The following UTY variants were observed in gnomAD, a reference collection of about 807,000 sequenced individuals.
The protein encoded by UTY is ubiquitously transcribed tetratricopeptide repeat containing, Y-linked, also known as histone demethylase UTY.
UTY carries 12 observed loss-of-function variants against 32.5 expected under a neutral mutation model. The observed-to-expected ratio is 0.37, with a 90% CI of 0.24 to 0.60. The LOEUF is 0.60. UTY is among the 20% of genes least tolerant of loss of function. The pLI is 0.69. For synonymous variants in UTY, 131 were observed against 103.4 expected (o/e 1.27, Z -1.62); for missense variants, 303 against 299.2 (o/e 1.01, Z -0.09).
At chrY:13,465,668 G>T in intron 3 of UTY, among the ~76,000 whole-genome samples, 1 of 33,394 alleles carries the variant, frequency 3.0e-5, no homozygotes, top group Non-Finnish European at 7.4e-5. Flanking sequence ...GATAACAGAA[G>T]CCTAGTATTC....
At chrY:13,437,650 T>C (rs2074732179) in intron 4 of UTY, among the ~76,000 whole-genome samples, 1 of 33,233 alleles carries the variant, frequency 3.0e-5, no homozygotes, top group Non-Finnish European at 7.4e-5. Flanking sequence ...GTGGATGCAC[T>C]CCTAAATGGG....
At chrY:13,306,767 C>T (rs2058721286) in intron 21 of UTY, among the ~76,000 whole-genome samples, 3 of 32,694 alleles carry the variant, frequency 9.2e-5, no homozygotes, top group African/African-American at 3.6e-4. Context: ...GTGGCGTAAT[C>T]TCAGCTCACT....
chrY:13,326,280 T>G lies in UTY; in HGVS notation c.2905A>C (p.Thr969Pro), dbSNP rs1300304897. The G allele has an allele frequency of 2.5e-6, 1 of 397,403 alleles. No homozygotes were observed. The highest frequency in any genetic ancestry group is 6.2e-5 in the African/African-American group (1 of 16,233). Residue 969 changes from threonine (T) to proline (P), a missense_variant, in exon 19 of 30, where the codon ACT becomes CCT. By Grantham distance (38) the Thr-to-Pro change is conservative (BLOSUM62 -1). Transcript: ENST00000545955. Reference sequence around the variant, plus strand: ...TTTGGCAAGGGTGGGTATGGTGAAGTTGGTGGTCTTGGAGGTGGACATTTA... The same window carrying G: ...TTTGGCAAGGGTGGGTATGGTGAAGGTGGTGGTCTTGGAGGTGGACATTTA... ...LDKCPPPRPP[T>P]SPYPPLPKDK...
At chrY:13,354,738 T>TA in intron 17 of UTY, 1 of 214,180 alleles carries the variant, frequency 4.7e-6, no homozygotes, top group Non-Finnish European at 7.5e-6. Flanking sequence ...TTATATGCAC[T>TA]AAAAAATAAA....
chrY:13,411,093 T>C lies in UTY; in HGVS notation c.455A>G (p.Asp152Gly). The C allele has an allele frequency of 2.5e-6, 1 of 392,607 alleles. No individual in the cohort carries two copies. The highest frequency in any genetic ancestry group is 3.6e-6 in the Non-Finnish European group (1 of 280,958). The change falls in exon 6 of 30, where the codon GAT becomes GGT. Residue 152 changes from aspartate (D) to glycine (G), a missense_variant. Coordinates refer to ENST00000545955, the MANE Select transcript of UTY (RefSeq NM_001258249.2). ...AFHWAIKAFQ[D>G]VLYVDPSFCR... Reference sequence around the variant, plus strand: ...AAAGCTGGGGTCAACATAAAGGACATCTTGAAATGCTTTAATTGCCCTGAA... The same window carrying C: ...AAAGCTGGGGTCAACATAAAGGACACCTTGAAATGCTTTAATTGCCCTGAA...
chrY:13,269,607 CAAAAA>C (rs1216505423), intron 27 of UTY, among the ~76,000 whole-genome samples: 4 of 30,457 alleles, frequency 1.3e-4, no homozygotes, highest in Non-Finnish European at 2.4e-4. Flanking sequence ...CAAAACAAAA[CAAAAA>C]AAAACTGCAG....
intron 4 of UTY, among the ~76,000 whole-genome samples, chrY:13,429,739 CCTAA>C: frequency 6.1e-5 from 2 of 32,932 alleles, no homozygotes; most frequent in South Asian, 1.4e-3. Context: ...CCTGCTCCAC[CCTAA>C]CTAATTCCGA....
chrY:13,344,958 C>G (rs937670021), intron 17 of UTY, among the ~76,000 whole-genome samples: 4 of 33,405 alleles, frequency 1.2e-4, no homozygotes. Flanking sequence ...GGGAATTAAC[C>G]TTAAGAAGGC....
At chrY:13,285,636 T>C in intron 27 of UTY, among the ~76,000 whole-genome samples, 1 of 34,104 alleles carries the variant, frequency 2.9e-5, no homozygotes, top group Non-Finnish European at 7.3e-5. Context: ...AAAATGGCAG[T>C]TGGAGTTTTA....
intron 21 of UTY, among the ~76,000 whole-genome samples, chrY:13,319,426 C>A: frequency 9.0e-5 from 3 of 33,406 alleles, no homozygotes; most frequent in Admixed American, 2.8e-4. Context: ...AAAACAGAGT[C>A]CTGCTGAGGC....
At chrY:13,437,405 C>T (rs1019856396) in intron 4 of UTY, among the ~76,000 whole-genome samples, 4 of 33,599 alleles carry the variant, frequency 1.2e-4, no homozygotes, top group African/African-American at 2.4e-4. Context: ...ATAATTGATA[C>T]GAGAATAATC....
intron 4 of UTY, among the ~76,000 whole-genome samples, chrY:13,438,512 G>A (rs2074885153): frequency 3.0e-5 from 1 of 33,675 alleles, no homozygotes; most frequent in Admixed American, 2.7e-4. Context: ...TAGACCAGAG[G>A]GGGAATCACT....
chrY:13,272,211 A>G (rs2056349774), intron 27 of UTY, among the ~76,000 whole-genome samples: 1 of 34,464 alleles, frequency 2.9e-5, no homozygotes, highest in African/African-American at 1.1e-4. Context: ...ACAATTATTA[A>G]AGTTTAGTTT....
chrY:13,418,696 G>A (rs1024798107), intron 4 of UTY, among the ~76,000 whole-genome samples: 2 of 33,655 alleles, frequency 5.9e-5, no homozygotes, highest in Non-Finnish European at 1.5e-4. Flanking sequence ...AAATCTACAC[G>A]ATTCTCAATA....
In UTY at chrY:13,305,499, A is replaced by C; in HGVS notation, c.3465T>G (p.Arg1155=). The C allele has an allele frequency of 2.5e-6, 1 of 394,229 alleles. No homozygotes were observed. Among genetic ancestry groups the C allele is most frequent in the Non-Finnish European group, 3.6e-6 (1 of 280,909 alleles). Reference sequence around the variant, plus strand: ...TTAGAAGATTTCCTGCTGACACCACACGCGCAAAAGCAGGAAGTTTAGTCA... The same window carrying C: ...TTAGAAGATTTCCTGCTGACACCACCCGCGCAAAAGCAGGAAGTTTAGTCA... ...HELTKLPAFA[R]VVSAGNLLTH... Residue 1155 remains arginine, a synonymous_variant, in exon 24 of 30, where the codon CGT becomes CGG. Transcript: ENST00000545955.
At chrY:13,300,539 C>T in intron 25 of UTY, among the ~76,000 whole-genome samples, 3 of 32,943 alleles carry the variant, frequency 9.1e-5, no homozygotes, top group Non-Finnish European at 1.5e-4. Flanking sequence ...GAGCTGAGAT[C>T]GTGCCACTGC....
chrY:13,300,918 G>A, intron 25 of UTY, among the ~76,000 whole-genome samples: 1 of 30,289 alleles, frequency 3.3e-5, no homozygotes, highest in Non-Finnish European at 7.9e-5. Flanking sequence ...TGTGGAGACA[G>A]AGTCTTGCCC....
At chrY:13,366,783 T>A in intron 9 of UTY, among the ~76,000 whole-genome samples, 1 of 34,720 alleles carries the variant, frequency 2.9e-5, no homozygotes, top group Non-Finnish European at 7.2e-5. Context: ...TTCAACCCCA[T>A]GCTTACATCC....
At chrY:13,370,758 G>A (rs1603443254) in intron 8 of UTY, among the ~76,000 whole-genome samples, 1 of 32,865 alleles carries the variant, frequency 3.0e-5, no homozygotes, top group Non-Finnish European at 7.5e-5. Flanking sequence ...TGATTAAACA[G>A]AAAAAATTGG....
Sources: gnomAD v4.1 joint callset for allele counts (sites outside exome capture counted in the v4.1 genomes callset) on GRCh38, gnomAD v4.1.1 for gene constraint, MANE v1.5 for transcripts, NCBI Gene and HGNC (gene_info 2026-07-23, HGNC 2026-07-21) for gene names.